The following KCNMA1 variants were observed in gnomAD, a reference collection of about 807,000 sequenced individuals.
KCNMA1 encodes Calcium-activated potassium channel subunit alpha-1.
Under a neutral mutation model 140.0 loss-of-function variants are expected in KCNMA1, and 29 were observed. The observed-to-expected ratio is 0.21, with a 90% CI of 0.15 to 0.28. KCNMA1 has a LOEUF of 0.28. KCNMA1 is among the 10% of genes least tolerant of loss of function. KCNMA1 has a pLI of 1.00. For missense variants in KCNMA1, 880 were observed against 1,602.2 expected (o/e 0.55, Z 7.70); for synonymous variants, 612 against 611.9 (o/e 1.00, Z 0.00).
At chr10:77,636,638 G>A (rs1390291253) in intron 1 of KCNMA1, 25 of 1,535,794 alleles carry the variant, frequency 1.6e-5, no homozygotes, top group Non-Finnish European at 2.2e-5. Flanking sequence ...GCAGCCCCGT[G>A]GGCTACCCCC....
At position 77,001,488 on chromosome 10, in the gene KCNMA1, G is replaced by C. The variant is rs747439459; in HGVS notation, c.2185C>G (p.Arg729Gly). The change falls in exon 19 of 28, where the codon CGT (arginine) becomes GGT (glycine). Residue 729 changes from arginine (R) to glycine (G), a missense_variant. Physicochemically the swap from Arg to Gly is moderately radical, Grantham distance 125. Transcript: ENST00000286628. The stretch of plus-strand genomic sequence containing the variant: ...CTCTCAAGGGTGTCCACGTTACCAC[G>C]CACACGGCCTGACATGCATGAGCAG... ...RDCSCMSGRV[R>G]GNVDTLERAF... 1 of 1,551,914 alleles carries C rather than the reference G, an allele frequency of 6.4e-7. No individual in the cohort carries two copies. Among genetic ancestry groups the C allele is most frequent in the East Asian group, 2.4e-5 (1 of 40,924 alleles).
chr10:77,456,677 A>C (rs2097767691), intron 1 of KCNMA1, among the ~76,000 whole-genome samples: 1 of 152,200 alleles, frequency 6.6e-6, no homozygotes, highest in South Asian at 2.1e-4. Context: ...TATGTGGCGC[A>C]TCTAGACCAG....
At chr10:76,949,408 C>T (rs1452536156) in intron 21 of KCNMA1, 42 bp from the exon 22 acceptor site, 1 of 1,478,638 alleles carries the variant, frequency 6.8e-7, no homozygotes, top group Admixed American at 1.8e-5. Flanking sequence ...GAGAAGACTG[C>T]ATAGGGCTGT....
chr10:77,108,290 T>C lies in KCNMA1; in HGVS notation c.1223+191A>G, dbSNP rs1203683615. Reference sequence around the variant, plus strand: ...TTTCTGATGCAACTGACTTACTTTCTGCCTCCATGTTTGTTAAAAGTCCCG... The same window carrying C: ...TTTCTGATGCAACTGACTTACTTTCCGCCTCCATGTTTGTTAAAAGTCCCG... On this transcript the variant is annotated intron_variant, in intron 9 of 27. Transcript: ENST00000286628. The surrounding 1 kb of genome is among the most constrained non-coding windows in gnomAD (Gnocchi z 4.6). 1.3e-6 allele frequency: 2 copies of C among 1,481,908 alleles called. No homozygotes were observed. Among genetic ancestry groups the C allele is most frequent in the Non-Finnish European group, 1.8e-6 (2 of 1,124,180 alleles). 91.8% of individuals were successfully genotyped at this position (1,481,908 alleles called of 1,614,324 possible).
rs989223570 is a variant in KCNMA1, at chr10:77,108,014, C to T, written c.1223+467G>A. On this transcript the variant is annotated intron_variant, in intron 9 of 27. Coordinates refer to ENST00000286628, the MANE Select transcript of KCNMA1 (RefSeq NM_001161352.2). This position sits in a 1 kb window ranked among gnomAD's most constrained non-coding sequence, Gnocchi z 4.6. ...TGGAAGAATGAACGAGTTTTGTTTA[C>T]TTGTTAGGGGTCAGAAGAGAAAATA... Among the ~76,000 whole-genome samples, 5 of 152,334 alleles carry T rather than the reference C, an allele frequency of 3.3e-5. No homozygotes were observed. The highest frequency in any genetic ancestry group is 1.2e-4 in the African/African-American group (5 of 41,584).
At chr10:77,159,879 CT>C (rs1478172335) in intron 5 of KCNMA1, among the ~76,000 whole-genome samples, 2 of 152,290 alleles carry the variant, frequency 1.3e-5, no homozygotes, top group Admixed American at 1.3e-4. Context: ...TGTCCCTTTT[CT>C]TTTGTTCATT....
At chr10:76,916,017 A>AC (rs2052695877) in intron 23 of KCNMA1, among the ~76,000 whole-genome samples, 1 of 146,220 alleles carries the variant, frequency 6.8e-6, no homozygotes, top group African/African-American at 2.5e-5. Context: ...TATACACATA[A>AC]ACACACACAC....
chr10:76,947,999 C>T lies in KCNMA1; in HGVS notation c.2709+1143G>A, dbSNP rs34528617. Among the ~76,000 whole-genome samples the T allele has an allele frequency of 2.1e-3, 292 of 141,780 alleles. 1 individual carries two copies. The highest frequency in any genetic ancestry group is 7.0e-3 in the African/African-American group (280 of 40,192). The allele number at this position is 141,780 out of a possible 152,430, so 93.0% of individuals were successfully genotyped here. A position where few individuals can be genotyped will look rare whatever the true frequency, so the allele number is the denominator to read the frequency against. On this transcript the variant is annotated intron_variant, in intron 22 of 27. Transcript: ENST00000286628. Reference sequence around the variant, plus strand: ...AGAAATCCATGTTCCTCAGTTGTTTCTTGTTTTGTTTTTGTTTTTGTTTGA... The same window carrying T: ...AGAAATCCATGTTCCTCAGTTGTTTTTTGTTTTGTTTTTGTTTTTGTTTGA...
intron 14 of KCNMA1, among the ~76,000 whole-genome samples, chr10:77,068,395 C>T (rs1324793387): frequency 1.3e-5 from 2 of 152,118 alleles, no homozygotes; most frequent in African/African-American, 2.4e-5. Flanking sequence ...TTAAATGATT[C>T]CCTTGGCTAT....
At chr10:77,086,349 T>C in intron 11 of KCNMA1, 139 bp downstream of exon 11, 1 of 714,704 alleles carries the variant, frequency 1.4e-6, no homozygotes, top group Non-Finnish European at 2.6e-6. Flanking sequence ...AGGTTGCTGG[T>C]ATGTGATTGA....
chr10:77,091,110 C>G (rs1359775413), intron 9 of KCNMA1: 2 of 161,514 alleles, frequency 1.2e-5, no homozygotes, highest in Non-Finnish European at 2.7e-5. Context: ...GCATGTAACA[C>G]TTTACAGTAA....
intron 14 of KCNMA1, among the ~76,000 whole-genome samples, chr10:77,068,707 T>TGTGTGA (rs2096060448): frequency 6.7e-6 from 1 of 150,150 alleles, no homozygotes; most frequent in Non-Finnish European, 1.5e-5. Context: ...TTTGTGTGTG[T>TGTGTGA]GTGTGTGTGT....
At chr10:76,996,974 G>T (rs1038035964) in intron 19 of KCNMA1, among the ~76,000 whole-genome samples, 4 of 152,040 alleles carry the variant, frequency 2.6e-5, no homozygotes, top group African/African-American at 9.7e-5. Flanking sequence ...GTCAGGATAG[G>T]GTGTGTCCTA....
chr10:77,263,575 T>A (rs575086146), intron 2 of KCNMA1, among the ~76,000 whole-genome samples: 11 of 152,180 alleles, frequency 7.2e-5, no homozygotes, highest in African/African-American at 2.7e-4. Context: ...AACATAAAAT[T>A]TTCATCTTCT....
chr10:77,585,282 T>C (rs1452600124), intron 1 of KCNMA1, among the ~76,000 whole-genome samples: 1 of 152,188 alleles, frequency 6.6e-6, no homozygotes, highest in Non-Finnish European at 1.5e-5. Context: ...ACTAGCCGGG[T>C]GACCTGAAGC....
At chr10:77,053,224 T>C (rs569833962) in intron 14 of KCNMA1, among the ~76,000 whole-genome samples, 2 of 152,290 alleles carry the variant, frequency 1.3e-5, no homozygotes, top group South Asian at 4.1e-4. Context: ...GTCTATCCAC[T>C]GAGGTAACTC....
intron 1 of KCNMA1, among the ~76,000 whole-genome samples, chr10:77,561,366 C>G (rs1032165085): frequency 6.6e-6 from 1 of 152,172 alleles, no homozygotes; most frequent in Non-Finnish European, 1.5e-5. Flanking sequence ...TTGATCTCAT[C>G]ATCAGCTTGA....
intron 17 of KCNMA1, among the ~76,000 whole-genome samples, chr10:77,014,390 C>T (rs1312429171): frequency 6.7e-6 from 1 of 150,164 alleles, no homozygotes; most frequent in Non-Finnish European, 1.5e-5. Context: ...TGTGCCACTG[C>T]ACTCCAGCCT....
chr10:77,001,383 T>C, intron 19 of KCNMA1, 24 bp downstream of exon 19: 12 of 1,546,408 alleles, frequency 7.8e-6, no homozygotes, highest in Non-Finnish European at 9.6e-6. Flanking sequence ...AACATGGAAC[T>C]ACGTGTGTTG....
Sources: allele counts gnomAD v4.1 joint callset (sites outside exome capture counted in the v4.1 genomes callset), GRCh38; gene constraint gnomAD v4.1.1; non-coding constraint Gnocchi (gnomAD v3.1); transcripts MANE v1.5; gene names NCBI Gene and HGNC (gene_info 2026-07-23, HGNC 2026-07-21).